Variants in ODAD1 observed in about 807,000 individuals in gnomAD.
ODAD1 encodes the protein outer dynein arm docking complex subunit 1.
Under a neutral mutation model 67.2 loss-of-function variants are expected in ODAD1, and 49 were observed. The ratio of observed to expected loss-of-function variants is 0.73; its 90% confidence interval spans 0.58 to 0.92. ODAD1 has a LOEUF of 0.92. ODAD1 is among the 40% of genes least tolerant of loss of function. The pLI is 0.00. For missense variants in ODAD1, 897 were observed against 953.7 expected (o/e 0.94, Z 0.78); for synonymous variants, 345 against 393.7 (o/e 0.88, Z 1.46).
At chr19:48,317,371 G>T (rs1433193449) in intron 5 of ODAD1, among the ~76,000 whole-genome samples, 1 of 152,060 alleles carries the variant, frequency 6.6e-6, no homozygotes, top group Admixed American at 6.6e-5. Context: ...CACATTGTTT[G>T]CAAGGTCAAA....
chr19:48,314,606 T>C (rs535542102), intron 5 of ODAD1, among the ~76,000 whole-genome samples: 34 of 152,302 alleles, frequency 2.2e-4, no homozygotes, highest in African/African-American at 7.0e-4. Flanking sequence ...GTCACATCTT[T>C]GTGAGACTGG....
chr19:48,321,304 G>A (rs774349447), intron 1 of ODAD1, among the ~76,000 whole-genome samples: 53 of 152,384 alleles, frequency 3.5e-4, no homozygotes, highest in Non-Finnish European at 6.0e-4. Context: ...GGAGCCGGGA[G>A]GGCCTGTGGA....
intron 5 of ODAD1, among the ~76,000 whole-genome samples, chr19:48,316,529 G>C (rs1157107008): frequency 3.3e-5 from 5 of 152,072 alleles, no homozygotes; most frequent in African/African-American, 1.2e-4. Context: ...ATGGAGTTTG[G>C]GAAAGTTCTT....
rs768293391 is a variant in ODAD1 at position 48,298,230 on chromosome 19, T to C, written c.1351A>G (p.Ile451Val). 6.2e-7 allele frequency: 1 copy of C among 1,613,984 alleles called. No individual in the cohort carries two copies. The highest frequency in any genetic ancestry group is 8.5e-7 in the Non-Finnish European group (1 of 1,180,018). ...DRDMGLFLSL[I>V]EKRLVELLTV... ...AGGAGCTCCACCAGCCGCTTCTCAA[T>C]GAGGCTCAGGAAGAGGCCCATGTCC... The change falls in exon 13 of 16, where the codon ATT (isoleucine) becomes GTT (valine). Residue 451 changes from isoleucine to valine, a missense_variant. Ile to Val is a conservative substitution (Grantham distance 29). Transcript: ENST00000674294.
Position 48,297,340 on chromosome 19 carries a change from G to C in ODAD1, c.1760C>G (p.Thr587Ser). 6.2e-7 allele frequency: 1 copy of C among 1,612,442 alleles called. No individual in the cohort carries two copies. The highest frequency in any genetic ancestry group is 1.1e-5 in the South Asian group (1 of 91,082). ...AIPGSILSHKTSRDRGSLGHV... is the reference protein window; with the variant it reads ...AIPGSILSHKSSRDRGSLGHV... Reference sequence around the variant, plus strand: ...GCCAAGAGAGCCACGGTCTCTGCTAGTCTTGTGGCTCAAAATGGACCCGGG... The same window carrying C: ...GCCAAGAGAGCCACGGTCTCTGCTACTCTTGTGGCTCAAAATGGACCCGGG... The change falls in exon 16 of 16, where the codon ACT (threonine) becomes AGT (serine). Residue 587 changes from threonine (T) to serine (S), a missense_variant. Coordinates refer to ENST00000674294, the MANE Select transcript of ODAD1 (RefSeq NM_001364171.2).
At chr19:48,302,624 C>T in intron 12 of ODAD1, 70 bp downstream of exon 12, 1 of 1,365,240 alleles carries the variant, frequency 7.3e-7, no homozygotes, top group Admixed American at 2.0e-5. Flanking sequence ...TGCCTCCAAG[C>T]CCCGCGGGCT....
At chr19:48,314,938 T>G (rs1968860362) in intron 5 of ODAD1, among the ~76,000 whole-genome samples, 1 of 150,812 alleles carries the variant, frequency 6.6e-6, no homozygotes, top group East Asian at 2.0e-4. Flanking sequence ...TGAGCGAGAC[T>G]CCACCTCAAA....
Position 48,297,110 on chromosome 19 carries a change from C to T in ODAD1, c.1990G>A (p.Gly664Ser), listed in dbSNP as rs759026291. The T allele has an allele frequency of 6.2e-7, 1 of 1,613,700 alleles. No individual in the cohort carries two copies. The highest frequency in any genetic ancestry group is 8.5e-7 in the Non-Finnish European group (1 of 1,179,672). ...GSSRGGENTE[G>S]GVESGGTASD... Reference sequence around the variant, plus strand: ...GCTGTGCCTCCGCTCTCCACACCACCCTCTGTGTTTTCTCCGCCCCTGCTG... The same window carrying T: ...GCTGTGCCTCCGCTCTCCACACCACTCTCTGTGTTTTCTCCGCCCCTGCTG... The change falls in exon 16 of 16, where the codon GGT (glycine) becomes AGT (serine). Residue 664 changes from glycine to serine, a missense_variant. Physicochemically the swap from Gly to Ser is moderately conservative, Grantham distance 56. Transcript: ENST00000674294.
chr19:48,317,551 C>G (rs934926387), intron 5 of ODAD1, among the ~76,000 whole-genome samples: 4 of 152,204 alleles, frequency 2.6e-5, no homozygotes, highest in Admixed American at 2.6e-4. Flanking sequence ...TTTGGGGACT[C>G]TAACATGCGA....
At chr19:48,308,205 A>T (rs2147323656) in intron 7 of ODAD1, among the ~76,000 whole-genome samples, 1 of 150,510 alleles carries the variant, frequency 6.6e-6, no homozygotes, top group South Asian at 2.1e-4. Context: ...ACAGAGTTTC[A>T]CTCTTGTTGC....
chr19:48,310,938 T>C (rs1439832585), intron 7 of ODAD1, among the ~76,000 whole-genome samples: 1 of 145,888 alleles, frequency 6.9e-6, no homozygotes, highest in Non-Finnish European at 1.5e-5. Context: ...ATCGGCCGGG[T>C]GTGGTGGCTC....
intron 7 of ODAD1, among the ~76,000 whole-genome samples, chr19:48,310,159 G>A (rs994692426): frequency 6.6e-5 from 10 of 151,998 alleles, no homozygotes; most frequent in East Asian, 1.9e-4. Context: ...ACTTGAACCC[G>A]GGAGGTGGAG....
At chr19:48,306,973 G>A (rs1276238662) in intron 7 of ODAD1, among the ~76,000 whole-genome samples, 3 of 151,476 alleles carry the variant, frequency 2.0e-5, no homozygotes, top group Admixed American at 6.6e-5. Context: ...ACCTGAGGTC[G>A]GGAGTTTGAG....
chr19:48,314,619 T>C (rs1968850976), intron 5 of ODAD1, among the ~76,000 whole-genome samples: 1 of 152,078 alleles, frequency 6.6e-6, no homozygotes, highest in South Asian at 2.1e-4. Context: ...GAGACTGGAT[T>C]TTCAGCAGTT....
intron 12 of ODAD1, among the ~76,000 whole-genome samples, chr19:48,302,118 G>A (rs574502717): frequency 3.1e-4 from 46 of 150,666 alleles, no homozygotes; most frequent in African/African-American, 1.1e-3. Flanking sequence ...ATGGATGAAT[G>A]GATGGATGGA....
intron 5 of ODAD1, among the ~76,000 whole-genome samples, chr19:48,315,185 ATCC>A (rs2147332364): frequency 6.6e-6 from 1 of 151,932 alleles, no homozygotes; most frequent in Admixed American, 6.6e-5. Flanking sequence ...GGCTCAAGCA[ATCC>A]TCCTGCCTCA....
intron 8 of ODAD1, among the ~76,000 whole-genome samples, chr19:48,305,035 A>G (rs1298367911): frequency 6.6e-6 from 1 of 152,218 alleles, no homozygotes; most frequent in African/African-American, 2.4e-5. Context: ...GAGAGAGAGA[A>G]AGAGAGAAAT....
At chr19:48,307,887 C>CA (rs1569007290) in intron 7 of ODAD1, among the ~76,000 whole-genome samples, 1 of 150,788 alleles carries the variant, frequency 6.6e-6, no homozygotes, top group Non-Finnish European at 1.5e-5. Context: ...CTAGAAAGAA[C>CA]CGGGACTCCT....
rs770121868 is a variant in ODAD1 at position 48,298,338 on chromosome 19, T to C, written c.1243A>G (p.Ile415Val). The change falls in exon 13 of 16, where the codon ATC becomes GTC. Residue 415 changes from isoleucine to valine, a missense_variant and splice_region_variant. Coordinates refer to ENST00000674294, the MANE Select transcript of ODAD1 (RefSeq NM_001364171.2). ...TGGGCCTTGGTGAAGAGGAGCTGGA[T>C]ATCTGCGTCATGGAGGGCCGGTTGT... ...RGQLEKLKAD[I>V]QLLFTKAHCD... 1.2e-6 allele frequency: 2 copies of C among 1,614,000 alleles called. No homozygotes were observed. The highest frequency in any genetic ancestry group is 3.3e-5 in the Admixed American group (2 of 60,010).
Sources: allele counts gnomAD v4.1 joint callset (sites outside exome capture counted in the v4.1 genomes callset), GRCh38; gene constraint gnomAD v4.1.1; transcripts MANE v1.5; gene names NCBI Gene and HGNC (gene_info 2026-07-23, HGNC 2026-07-21).